The following ANGPT1 variants were observed in gnomAD, a reference collection of about 807,000 sequenced individuals.
ANGPT1 encodes the protein angiopoietin-1.
In ANGPT1, 17 loss-of-function variants were observed where a neutral mutation model predicts 62.2. The observed-to-expected ratio is 0.27, with a 90% confidence interval of 0.19 to 0.41. The LOEUF is 0.41. Ranked by LOEUF, ANGPT1 falls within the 10% of genes least tolerant of loss-of-function variation. ANGPT1 has a pLI of 1.00. For synonymous variants in ANGPT1, 199 were observed against 198.9 expected, an observed-to-expected ratio of 1.00 and a Z score of 0.00; for missense variants, 478 against 594.9, an observed-to-expected ratio of 0.80 and a Z score of 2.04.
intron 1 of ANGPT1, among the ~76,000 whole-genome samples, chr8:107,440,946 T>C (rs1252105140): frequency 6.6e-6 from 1 of 152,222 alleles, no homozygotes; most frequent in Admixed American, 6.5e-5. Context: ...TCACCTTTTA[T>C]GTACTTGGAT....
At chr8:107,342,086 C>A (rs976447632) in intron 2 of ANGPT1, among the ~76,000 whole-genome samples, 2 of 152,090 alleles carry the variant, frequency 1.3e-5, no homozygotes, top group East Asian at 1.9e-4. Flanking sequence ...AACAAAAAAA[C>A]CCAAAAAAAC....
At chr8:107,259,815 A>C (rs1813451770) in intron 8 of ANGPT1, among the ~76,000 whole-genome samples, 1 of 152,046 alleles carries the variant, frequency 6.6e-6, no homozygotes, top group African/African-American at 2.4e-5. Flanking sequence ...TTAGTATCAA[A>C]GATTTTTTTT....
At chr8:107,466,390 T>C (rs922249007) in intron 1 of ANGPT1, among the ~76,000 whole-genome samples, 2 of 152,040 alleles carry the variant, frequency 1.3e-5, no homozygotes, top group Admixed American at 6.6e-5. Context: ...CTGGATTCTA[T>C]GGCTGGCAAG....
chr8:107,432,162 C>T (rs763959321), intron 1 of ANGPT1, among the ~76,000 whole-genome samples: 4 of 151,080 alleles, frequency 2.6e-5, no homozygotes, highest in South Asian at 4.2e-4. Context: ...AAAACTGAAC[C>T]GTAAAATCTT....
chr8:107,269,731 C>T (rs1228983705), intron 7 of ANGPT1, among the ~76,000 whole-genome samples: 3 of 151,846 alleles, frequency 2.0e-5, no homozygotes, highest in East Asian at 3.9e-4. Flanking sequence ...AAACAAAAAA[C>T]TCCAGAGAAT....
At chr8:107,376,647 C>A (rs765261092) in intron 1 of ANGPT1, among the ~76,000 whole-genome samples, 1 of 151,988 alleles carries the variant, frequency 6.6e-6, no homozygotes, top group African/African-American at 2.4e-5. Flanking sequence ...GTGAGAGATA[C>A]GGTAAGGCCT....
chr8:107,288,708 A>C (rs993312745), intron 6 of ANGPT1, among the ~76,000 whole-genome samples: 8 of 152,156 alleles, frequency 5.3e-5, no homozygotes, highest in Admixed American at 2.0e-4. Flanking sequence ...AAATTATTTG[A>C]GTGGTATACA....
At chr8:107,318,488 C>A (rs1815072815) in intron 4 of ANGPT1, among the ~76,000 whole-genome samples, 1 of 152,106 alleles carries the variant, frequency 6.6e-6, no homozygotes, top group Non-Finnish European at 1.5e-5. Flanking sequence ...CCTAGGAATT[C>A]TTTATCATAT....
chr8:107,346,793 G>A (rs1027668273), intron 2 of ANGPT1, 149 bp downstream of exon 2: 2 of 694,394 alleles, frequency 2.9e-6, no homozygotes, highest in Non-Finnish European at 2.3e-6. Context: ...CGCATAGCAT[G>A]TCAGGCAGTC....
chr8:107,352,951 G>C (rs1294843830), intron 1 of ANGPT1, among the ~76,000 whole-genome samples: 2 of 151,388 alleles, frequency 1.3e-5, no homozygotes, highest in African/African-American at 4.9e-5. Context: ...ACTATATCTA[G>C]GTTTATGGCC....
chr8:107,303,116 G>T, intron 5 of ANGPT1, 124 bp downstream of exon 5: 1 of 1,100,646 alleles, frequency 9.1e-7, no homozygotes, highest in Non-Finnish European at 1.3e-6. Flanking sequence ...GTATCTCTGG[G>T]AGAAAAAAGT....
At chr8:107,277,987 T>C (rs1463652943) in intron 7 of ANGPT1, among the ~76,000 whole-genome samples, 2 of 152,106 alleles carry the variant, frequency 1.3e-5, no homozygotes, top group Non-Finnish European at 2.9e-5. Flanking sequence ...CGATATAGAA[T>C]ATATAATTAA....
At chr8:107,489,661 C>T (rs989079229) in intron 1 of ANGPT1, among the ~76,000 whole-genome samples, 1 of 152,030 alleles carries the variant, frequency 6.6e-6, no homozygotes. Flanking sequence ...ATGGAAATAG[C>T]CTCCAAATGT....
chr8:107,331,260 ATTAAC>A (rs1402998427), intron 3 of ANGPT1, among the ~76,000 whole-genome samples: 2 of 152,190 alleles, frequency 1.3e-5, no homozygotes, highest in Admixed American at 6.5e-5. Flanking sequence ...CTTAAAATTA[ATTAAC>A]TTAATAACTT....
intron 1 of ANGPT1, among the ~76,000 whole-genome samples, chr8:107,364,234 A>T (rs1002660451): frequency 6.6e-6 from 1 of 152,192 alleles, no homozygotes; most frequent in Non-Finnish European, 1.5e-5. Context: ...TAAATAAAGA[A>T]ATGCTAAATC....
intron 1 of ANGPT1, among the ~76,000 whole-genome samples, chr8:107,390,353 A>T (rs920383464): frequency 2.6e-5 from 4 of 152,164 alleles, no homozygotes; most frequent in African/African-American, 9.7e-5. Context: ...AGCAGGACGT[A>T]ATTCATTGTG....
intron 1 of ANGPT1, among the ~76,000 whole-genome samples, chr8:107,418,365 T>G (rs1283674): frequency 0.58 from 87,474 of 151,992 alleles, 25,407 homozygotes; most frequent in East Asian, 0.72. Flanking sequence ...ACAAAATCTG[T>G]TGAAAAAAGT....
At chr8:107,371,573 CTTTTTTTTT>C (rs5893851) in intron 1 of ANGPT1, among the ~76,000 whole-genome samples, 1 of 102,146 alleles carries the variant, frequency 9.8e-6, no homozygotes. Context: ...GCTGAGCATT[CTTTTTTTTT>C]TTTTTTTTTT....
chr8:107,447,588 G>A (rs1481147041), intron 1 of ANGPT1, among the ~76,000 whole-genome samples: 1 of 152,120 alleles, frequency 6.6e-6, no homozygotes, highest in African/African-American at 2.4e-5. Context: ...TTTTCTTCCA[G>A]TTAAATGTCA....
Sources: allele counts gnomAD v4.1 joint callset (sites outside exome capture counted in the v4.1 genomes callset), GRCh38; gene constraint gnomAD v4.1.1; transcripts MANE v1.5; gene names NCBI Gene and HGNC (gene_info 2026-07-23, HGNC 2026-07-21).